GPATCH1: variants seen among roughly 807,000 people sequenced by gnomAD.
GPATCH1 encodes the protein G patch domain-containing protein 1.
A neutral mutation model predicts 114.9 loss-of-function variants in GPATCH1; 73 were observed. That is an observed-to-expected ratio of 0.64 (90% CI 0.53 to 0.77). The LOEUF (loss-of-function observed/expected upper bound fraction) is 0.77. Ranked by LOEUF, GPATCH1 falls within the 30% of genes least tolerant of loss-of-function variation. The pLI is 0.00. For missense variants in GPATCH1, 1,058 were observed against 1,144.3 expected (o/e 0.92, Z 1.09); for synonymous variants, 391 against 428.4 (o/e 0.91, Z 1.08).
chr19:33,088,513 T>TA (rs1030060798), intron 2 of GPATCH1, among the ~76,000 whole-genome samples: 19 of 150,490 alleles, frequency 1.3e-4, no homozygotes, highest in African/African-American at 3.2e-4. Flanking sequence ...CTGGCTAATT[T>TA]AAAAAAAAAT....
At chr19:33,087,858 A>G (rs951023539) in intron 1 of GPATCH1, among the ~76,000 whole-genome samples, 11 of 151,360 alleles carry the variant, frequency 7.3e-5, no homozygotes, top group African/African-American at 2.7e-4. Flanking sequence ...TAATTTTTGT[A>G]TTTGTTAGTA....
intron 15 of GPATCH1, among the ~76,000 whole-genome samples, chr19:33,116,563 T>C (rs1972917794): frequency 6.6e-6 from 1 of 152,228 alleles, no homozygotes; most frequent in Non-Finnish European, 1.5e-5. Flanking sequence ...GGAGTCTCGC[T>C]CTGTCACCCA....
At chr19:33,112,127 A>G (rs1040009121) in intron 12 of GPATCH1, among the ~76,000 whole-genome samples, 2 of 151,950 alleles carry the variant, frequency 1.3e-5, no homozygotes, top group Non-Finnish European at 2.9e-5. Context: ...CACAACAGCC[A>G]TCTAATTTTT....
rs1972946660 is a variant in GPATCH1, at chr19:33,119,024, C to T, written c.2428C>T (p.Pro810Ser). ...SSVAHALVPA[P>S]QEPPPSFPIQ... ...CTGTTTTTCAGCTCTTGTGCCAGCA[C>T]CCCAGGAGCCGCCACCTTCCTTCCC... is the stretch of plus-strand genomic sequence containing the variant. Residue 810 changes from proline (P) to serine (S), a missense_variant, in exon 17 of 20, where the codon CCC becomes TCC. Coordinates refer to ENST00000170564, the MANE Select transcript of GPATCH1 (RefSeq NM_018025.3). 1 of 1,611,228 alleles carries T rather than the reference C, an allele frequency of 6.2e-7. No homozygotes were observed. Among genetic ancestry groups the T allele is most frequent in the South Asian group, 1.1e-5 (1 of 90,930 alleles).
chr19:33,094,621 A>G (rs1237919570), intron 5 of GPATCH1, among the ~76,000 whole-genome samples: 1 of 152,188 alleles, frequency 6.6e-6, no homozygotes, highest in African/African-American at 2.4e-5. Flanking sequence ...AATGCATGAC[A>G]GCTTCCAGAA....
chr19:33,121,007 A>T (rs1225503568), intron 17 of GPATCH1, among the ~76,000 whole-genome samples: 1 of 151,890 alleles, frequency 6.6e-6, no homozygotes, highest in Non-Finnish European at 1.5e-5. Flanking sequence ...AAATAAATTA[A>T]TTAATTTAAA....
rs776240909 is a variant in GPATCH1 at position 33,125,222 on chromosome 19, C to A, written c.2619+20C>A. 3 of 1,578,416 alleles carry A rather than the reference C, an allele frequency of 1.9e-6. No individual in the cohort carries two copies. The highest frequency in any genetic ancestry group is 3.7e-5 in the Admixed American group (2 of 54,110). On this transcript the variant is annotated intron_variant, in intron 18 of 19. Coordinates refer to ENST00000170564, the MANE Select transcript of GPATCH1 (RefSeq NM_018025.3). ...GAGAAGGTGAGAGACTTGTGTGTAC[C>A]CCAGGATCAGTGTGGGGTGGGACCC...
At chr19:33,114,683 A>G (rs1972896968) in intron 15 of GPATCH1, among the ~76,000 whole-genome samples, 1 of 152,064 alleles carries the variant, frequency 6.6e-6, no homozygotes, top group Non-Finnish European at 1.5e-5. Context: ...AAATATGTAC[A>G]TGTATATTTA....
rs768259271 is a variant in GPATCH1 at position 33,126,678 on chromosome 19, G to A, written c.2710G>A (p.Asp904Asn). The change falls in exon 19 of 20, where the codon GAC (aspartate) becomes AAC (asparagine). Residue 904 changes from aspartate (D) to asparagine (N), a missense_variant. Around this residue, in one of 3 missense-constraint regions of GPATCH1, gnomAD observed 893 missense variants for 977.4 expected, o/e 0.91. Coordinates refer to ENST00000170564, the MANE Select transcript of GPATCH1 (RefSeq NM_018025.3). ...SSSSESSDSSDSQSDEETADV... is the reference protein window; with the variant it reads ...SSSSESSDSSNSQSDEETADV... ...TAGCTCCGAGAGTTCCGACAGCAGCGACAGCCAGAGTGACGAGGAAACCGC... is the reference window on the plus strand; with the variant it reads ...TAGCTCCGAGAGTTCCGACAGCAGCAACAGCCAGAGTGACGAGGAAACCGC... The A allele has an allele frequency of 1.2e-5, 20 of 1,613,958 alleles. No homozygotes were observed. Among genetic ancestry groups the A allele is most frequent in the Admixed American group, 5.0e-5 (3 of 59,944 alleles).
At chr19:33,094,487 T>C (rs923603741) in intron 5 of GPATCH1, among the ~76,000 whole-genome samples, 17 of 152,260 alleles carry the variant, frequency 1.1e-4, no homozygotes, top group Admixed American at 3.3e-4. Flanking sequence ...ATTTTTTGTA[T>C]TTTTTGTAGA....
At chr19:33,125,919 C>T (rs1051342761) in intron 18 of GPATCH1, among the ~76,000 whole-genome samples, 1 of 152,190 alleles carries the variant, frequency 6.6e-6, no homozygotes, top group Non-Finnish European at 1.5e-5. Flanking sequence ...CCACTGTTGA[C>T]GTCTCTTATT....
Position 33,096,462 on chromosome 19 carries a change from A to C in GPATCH1, c.852+16A>C. 6.3e-7 allele frequency: 1 copy of C among 1,596,426 alleles called. No individual in the cohort carries two copies. Among genetic ancestry groups the C allele is most frequent in the Middle Eastern group, 1.7e-4 (1 of 5,982 alleles). ...TTCAGGCCAGGTAAAATTATTTTCTATTTTATAAAGGGGGAGTCATTGATA... is the reference window on the plus strand; with the variant it reads ...TTCAGGCCAGGTAAAATTATTTTCTCTTTTATAAAGGGGGAGTCATTGATA... On this transcript the variant is annotated intron_variant, in intron 7 of 19. Transcript: ENST00000170564.
At chr19:33,120,276 A>G (rs1210736586) in intron 17 of GPATCH1, among the ~76,000 whole-genome samples, 1 of 105,070 alleles carries the variant, frequency 9.5e-6, no homozygotes, top group Non-Finnish European at 1.8e-5. Flanking sequence ...TATAACAATT[A>G]TATATAAAAA....
At chr19:33,122,097 C>A (rs527322601) in intron 17 of GPATCH1, among the ~76,000 whole-genome samples, 1 of 152,204 alleles carries the variant, frequency 6.6e-6, no homozygotes, top group South Asian at 2.1e-4. Context: ...CGGCTCACTG[C>A]ATCCTCCACC....
Position 33,096,389 on chromosome 19 carries a change from T to G in GPATCH1, c.795T>G (p.Ala265=). 1 of 1,613,880 alleles carries G rather than the reference T, an allele frequency of 6.2e-7. No individual in the cohort carries two copies. Among genetic ancestry groups the G allele is most frequent in the Non-Finnish European group, 8.5e-7 (1 of 1,179,764 alleles). ...TTTTCAGTGGTGGTTCTGAGAGAGCTGGCGATCTTGGAGAAATTGGACTGA... is the reference window on the plus strand; with the variant it reads ...TTTTCAGTGGTGGTTCTGAGAGAGCGGGCGATCTTGGAGAAATTGGACTGA... ...FNLFSGGSER[A]GDLGEIGLNK... Residue 265 remains alanine, a synonymous_variant, in exon 7 of 20, where the codon GCT becomes GCG. Transcript: ENST00000170564.
At chr19:33,084,123 C>A (rs1972510226) in intron 1 of GPATCH1, among the ~76,000 whole-genome samples, 1 of 152,182 alleles carries the variant, frequency 6.6e-6, no homozygotes, top group African/African-American at 2.4e-5. Context: ...TTTCTAAGCA[C>A]TTTGAAATTT....
intron 15 of GPATCH1, among the ~76,000 whole-genome samples, chr19:33,115,126 A>G (rs1972902892): frequency 1.4e-5 from 2 of 144,010 alleles, no homozygotes; most frequent in Admixed American, 7.1e-5. Flanking sequence ...CAGTGTTGTG[A>G]TAATGGCTCA....
rs1333978832 is a variant in GPATCH1, at chr19:33,106,701, C to T, written c.1087C>T (p.Pro363Ser). ...TTTGTCTTGGTTTGTTAAGATCTAT[C>T]CACCTCCAGAGCTGCCAAGAGACTA... ...SKPLSSKKIY[P>S]PPELPRDYRP... Residue 363 changes from proline to serine, a missense_variant, in exon 10 of 20, where the codon CCA becomes TCA. Physicochemically the swap from Pro to Ser is moderately conservative, Grantham distance 74 (BLOSUM62 -1). This residue lies in a region of GPATCH1 where 893 missense variants were observed against 977.4 expected (regional missense o/e 0.91). Coordinates refer to ENST00000170564, the MANE Select transcript of GPATCH1 (RefSeq NM_018025.3). The T allele has an allele frequency of 6.2e-7, 1 of 1,612,498 alleles. No homozygotes were observed. The highest frequency in any genetic ancestry group is 1.7e-5 in the Admixed American group (1 of 60,004).
intron 2 of GPATCH1, 44 bp downstream of exon 2, chr19:33,088,312 G>T (rs535921452): frequency 7.3e-7 from 1 of 1,366,108 alleles, no homozygotes; most frequent in South Asian, 1.3e-5. Context: ...TAAAGCAAAT[G>T]ATCAAAATAT....
Sources: gnomAD v4.1 joint callset for allele counts (sites outside exome capture counted in the v4.1 genomes callset) on GRCh38, gnomAD v4.1.1 for gene constraint, gnomAD v4.1.1 regional missense constraint, MANE v1.5 for transcripts, NCBI Gene and HGNC (gene_info 2026-07-23, HGNC 2026-07-21) for gene names.